The following FRMD1 variants were observed in gnomAD, a reference collection of about 807,000 sequenced individuals.
The protein encoded by FRMD1 is FERM domain-containing protein 1.
FRMD1 carries 51 observed loss-of-function variants against 54.9 expected under a neutral mutation model. That is an observed-to-expected ratio of 0.93 (90% CI 0.74 to 1.17). The LOEUF is 1.17. FRMD1 is among the 50% of genes most tolerant of loss of function. The pLI is 0.00. For missense variants in FRMD1, 729 were observed against 743.0 expected (o/e 0.98, Z 0.22); for synonymous variants, 324 against 306.4 (o/e 1.06, Z -0.60).
intron 2 of FRMD1, among the ~76,000 whole-genome samples, chr6:168,071,363 C>A (rs966757126): frequency 6.6e-6 from 1 of 152,232 alleles, no homozygotes; most frequent in Non-Finnish European, 1.5e-5. Context: ...GAAATCCAAG[C>A]ACTTCCCGTA....
upstream of FRMD1, among the ~76,000 whole-genome samples, chr6:168,084,437 C>T (rs1035064580): frequency 3.3e-5 from 5 of 152,252 alleles, no homozygotes; most frequent in African/African-American, 1.2e-4. Context: ...ATGCCCCTGA[C>T]ATGCTGCTCC....
intron 6 of FRMD1, 104 bp from the exon 7 acceptor site, chr6:168,063,063 C>T (rs971169448): frequency 2.2e-6 from 2 of 926,610 alleles, no homozygotes; most frequent in Non-Finnish European, 3.6e-6. Context: ...CTCCATGGAC[C>T]AGGCTGAGCT....
chr6:168,081,911 G>A, upstream of FRMD1: 1 of 179,818 alleles, frequency 5.6e-6, no homozygotes, highest in Non-Finnish European at 1.2e-5. Flanking sequence ...TTTACAGTAT[G>A]CAAACTATAT....
chr6:168,067,712 C>T (rs541335336), intron 2 of FRMD1, among the ~76,000 whole-genome samples: 8 of 152,344 alleles, frequency 5.3e-5, no homozygotes, highest in Admixed American at 3.3e-4. Flanking sequence ...GCACATGCTC[C>T]GGGCACGCCC....
At chr6:168,083,622 G>T (rs576582399), upstream of FRMD1, among the ~76,000 whole-genome samples, 20 of 152,356 alleles carry the variant, frequency 1.3e-4, no homozygotes, top group Non-Finnish European at 2.8e-4. Flanking sequence ...AGGTGGCTGG[G>T]CACAGAGCAG....
At chr6:168,081,801 G>A, upstream of FRMD1, 1 of 396,090 alleles carries the variant, frequency 2.5e-6, no homozygotes, top group Non-Finnish European at 4.5e-6. Flanking sequence ...GGACTGCAGA[G>A]GGGCGAGGTG....
At chr6:168,078,799 C>CCTGCTCACTCCCATGGCT (rs758197967) in intron 1 of FRMD1, 83 bp downstream of exon 1, 63,915 of 1,139,460 alleles carry the variant, frequency 0.056, 3,713 homozygotes, top group East Asian at 0.15. Context: ...CACCCAGGGC[C>CCTGCTCACTCCCATGGCT]CTGCTCACCC....
rs909505889 is a variant in FRMD1 at position 168,067,062 on chromosome 6, G to A, written c.385-231C>T. The A allele has an allele frequency of 1.3e-5, 9 of 719,264 alleles. No homozygotes were observed. In the Admixed American group the frequency reaches 1.4e-4, roughly 11 times the overall value. 44.6% of individuals were successfully genotyped at this position (719,264 alleles called of 1,614,324 possible). A position where few individuals can be genotyped will look rare whatever the true frequency, so the allele number is the denominator to read the frequency against. ...CATCTGCAAAGGCGGGCTTCGGGCG[G>A]GCACACCTGCTTGCAGCCTCAGGGC... is the stretch of plus-strand genomic sequence containing the variant. On this transcript the variant is annotated intron_variant, in intron 3 of 10. Coordinates refer to ENST00000283309, the MANE Select transcript of FRMD1 (RefSeq NM_024919.6).
At chr6:168,084,493 A>G (rs551594493), upstream of FRMD1, among the ~76,000 whole-genome samples, 2 of 152,230 alleles carry the variant, frequency 1.3e-5, no homozygotes, top group South Asian at 2.1e-4. Flanking sequence ...AGGGGGCTGG[A>G]CGGCAGGGTT....
At chr6:168,090,756 C>T (rs576517754) in intron 1 of FRMD1, among the ~76,000 whole-genome samples, 2 of 152,358 alleles carry the variant, frequency 1.3e-5, no homozygotes, top group East Asian at 1.9e-4. Context: ...ATGTGTGCTG[C>T]GCTGAAGTTT....
chr6:168,078,801 TGCTCACCCCCACGGC>T, intron 1 of FRMD1, 66 bp downstream of exon 1: 3 of 1,084,410 alleles, frequency 2.8e-6, no homozygotes, highest in Non-Finnish European at 3.6e-6. Context: ...CCCAGGGCCC[TGCTCACCCCCACGGC>T]CACCCGGAGC....
At chr6:168,062,008 C>T in intron 7 of FRMD1, 27 bp from the exon 8 acceptor site, 3 of 1,569,680 alleles carry the variant, frequency 1.9e-6, no homozygotes, top group South Asian at 1.2e-5. Context: ...GAAGTTGCCA[C>T]TCCACAGGTG....
chr6:168,089,783 A>G (rs1348559765), intron 1 of FRMD1, among the ~76,000 whole-genome samples: 1 of 152,230 alleles, frequency 6.6e-6, no homozygotes, highest in Non-Finnish European at 1.5e-5. Flanking sequence ...TTTCACTAGA[A>G]AATGGAACTC....
Position 168,056,968 on chromosome 6 carries a change from C to T in FRMD1, c.*129G>A. 4 of 1,153,284 alleles carry T rather than the reference C, an allele frequency of 3.5e-6. No homozygotes were observed. The highest frequency in any genetic ancestry group is 4.6e-6 in the Non-Finnish European group (4 of 861,230). 71.4% of individuals were successfully genotyped at this position (1,153,284 alleles called of 1,614,324 possible). ...AGCTCCACACCTCTTACAGGTGAAC[C>T]TGTGGAGCGTGCTGGCTGCGGAAGT... On this transcript the variant is annotated 3_prime_UTR_variant, in exon 11 of 11. Coordinates refer to ENST00000283309, the MANE Select transcript of FRMD1 (RefSeq NM_024919.6).
intron 1 of FRMD1, among the ~76,000 whole-genome samples, chr6:168,090,885 C>T (rs1043163592): frequency 5.9e-5 from 9 of 152,200 alleles, no homozygotes; most frequent in Non-Finnish European, 8.8e-5. Flanking sequence ...TCGGGGCTCA[C>T]GAAGCCAGCT....
chr6:168,084,481 G>C (rs902678729), upstream of FRMD1, among the ~76,000 whole-genome samples: 5 of 152,228 alleles, frequency 3.3e-5, no homozygotes, highest in South Asian at 1.0e-3. Context: ...ATCCCACAAA[G>C]AAGGGGGCTG....
At chr6:168,064,313 C>T (rs1799913499) in intron 5 of FRMD1, among the ~76,000 whole-genome samples, 1 of 152,166 alleles carries the variant, frequency 6.6e-6, no homozygotes, top group Non-Finnish European at 1.5e-5. Context: ...AAAGTTCACC[C>T]GGAACAGGGC....
intron 1 of FRMD1, among the ~76,000 whole-genome samples, chr6:168,077,138 C>A (rs868428486): frequency 6.6e-6 from 1 of 152,100 alleles, no homozygotes; most frequent in East Asian, 1.9e-4. Flanking sequence ...GTGCACACAC[C>A]AACAGAGGGT....
intron 1 of FRMD1, among the ~76,000 whole-genome samples, chr6:168,076,351 T>G (rs1800592935): frequency 6.6e-6 from 1 of 152,230 alleles, no homozygotes; most frequent in African/African-American, 2.4e-5. Flanking sequence ...TAATCCTGAG[T>G]TACTGTAAGA....
Sources: allele counts gnomAD v4.1 joint callset (sites outside exome capture counted in the v4.1 genomes callset), GRCh38; gene constraint gnomAD v4.1.1; transcripts MANE v1.5; gene names NCBI Gene and HGNC (gene_info 2026-07-23, HGNC 2026-07-21).